The following DPYSL5 variants were observed in gnomAD, a reference collection of about 807,000 sequenced individuals.
The protein encoded by DPYSL5 is dihydropyrimidinase like 5.
A neutral mutation model predicts 58.4 loss-of-function variants in DPYSL5; 9 were observed. That is an observed-to-expected ratio of 0.15 (90% confidence interval 0.09 to 0.27). The LOEUF is 0.27. Ranked by LOEUF, DPYSL5 falls within the 10% of genes least tolerant of loss-of-function variation. The pLI, the probability that DPYSL5 is intolerant of heterozygous loss-of-function variation, is 1.00. For synonymous variants in DPYSL5, 293 were observed against 301.9 expected, an observed-to-expected ratio of 0.97 and a Z score of 0.31; for missense variants, 499 against 770.6, an observed-to-expected ratio of 0.65 and a Z score of 4.17.
At chr2:26,932,137 G>GAAAGAAAGAAAGAAAGAC (rs1409919249) in intron 6 of DPYSL5, among the ~76,000 whole-genome samples, 2 of 59,708 alleles carry the variant, frequency 3.3e-5, no homozygotes, top group African/African-American at 1.5e-4. Context: ...AAGAAAGAAA[G>GAAAGAAAGAAAGAAAGAC]AGAAAGAAAG....
At chr2:26,919,017 G>A (rs868490419) in intron 2 of DPYSL5, among the ~76,000 whole-genome samples, 4 of 152,130 alleles carry the variant, frequency 2.6e-5, no homozygotes, top group African/African-American at 4.8e-5. Context: ...ATATTGGAGC[G>A]GCAGGGCAGT....
rs1664766898 is a variant in DPYSL5 at position 26,924,089 on chromosome 2, G to T, written c.262-798G>T. Among the ~76,000 whole-genome samples the T allele has an allele frequency of 6.6e-6, 1 of 152,222 alleles. No homozygotes were observed. Among genetic ancestry groups the T allele is most frequent in the Non-Finnish European group, 1.5e-5 (1 of 68,038 alleles). On this transcript the variant is annotated intron_variant, in intron 2 of 12. Coordinates refer to ENST00000288699, the MANE Select transcript of DPYSL5 (RefSeq NM_020134.4). This position sits in a 1 kb window ranked among gnomAD's most constrained non-coding sequence, Gnocchi z 4.7. ...GAAATTCACTTTTAAAAAGTTGAGT[G>T]GGGGAATCTCTAATACAGATTTAGT... is the stretch of plus-strand genomic sequence containing the variant.
At chr2:26,851,017 T>C (rs1665737683) in intron 1 of DPYSL5, among the ~76,000 whole-genome samples, 1 of 152,156 alleles carries the variant, frequency 6.6e-6, no homozygotes, top group South Asian at 2.1e-4. Flanking sequence ...TACTAAATTA[T>C]ATATGCATGT....
In DPYSL5 at chr2:26,898,635, G is replaced by A; in HGVS notation, c.136G>A (p.Gly46Ser). 1 of 1,614,120 alleles carries A rather than the reference G, an allele frequency of 6.2e-7. No individual in the cohort carries two copies. Among genetic ancestry groups the A allele is most frequent in the Non-Finnish European group, 8.5e-7 (1 of 1,180,028 alleles). Residue 46 changes from glycine (G) to serine (S), a missense_variant, in exon 2 of 13, where the codon GGC becomes AGC. Coordinates refer to ENST00000288699, the MANE Select transcript of DPYSL5 (RefSeq NM_020134.4). The surrounding 1 kb of genome is among the most constrained non-coding windows in gnomAD (Gnocchi z 6.1). Reference protein sequence around the residue: ...QQVGRELMIPGGAKVIDATGK... With the variant: ...QQVGRELMIPSGAKVIDATGK... The stretch of plus-strand genomic sequence containing the variant: ...GGTGGGCCGCGAGCTCATGATCCCT[G>A]GCGGGGCCAAGGTGATTGATGCCAC...
At chr2:26,900,529 C>G (rs1186548937) in intron 2 of DPYSL5, among the ~76,000 whole-genome samples, 1 of 152,196 alleles carries the variant, frequency 6.6e-6, no homozygotes, top group Non-Finnish European at 1.5e-5. Context: ...CAAACATTGT[C>G]ACTATGAACA....
rs1422776764 is a variant in DPYSL5 at position 26,905,518 on chromosome 2, G to A, written c.261+6758G>A. On this transcript the variant is annotated intron_variant, in intron 2 of 12. Transcript: ENST00000288699. The surrounding 1 kb of genome is among the most constrained non-coding windows in gnomAD (Gnocchi z 4.0). ...GCTTGGCCAGCAGGCACCCTGGCAGGCCTTCTCTGGGAATCGGCCCTCACC... is the reference window on the plus strand; with the variant it reads ...GCTTGGCCAGCAGGCACCCTGGCAGACCTTCTCTGGGAATCGGCCCTCACC... Among the ~76,000 whole-genome samples, 1 of 152,160 alleles carries A rather than the reference G, an allele frequency of 6.6e-6. No homozygotes were observed. Among genetic ancestry groups the A allele is most frequent in the Non-Finnish European group, 1.5e-5 (1 of 68,034 alleles).
intron 1 of DPYSL5, among the ~76,000 whole-genome samples, chr2:26,891,210 C>G (rs1267186971): frequency 6.6e-6 from 1 of 152,194 alleles, no homozygotes; most frequent in African/African-American, 2.4e-5. Flanking sequence ...AGGATTAAAT[C>G]AGATGATGCA....
At chr2:26,858,016 C>G (rs1665920188) in intron 1 of DPYSL5, among the ~76,000 whole-genome samples, 1 of 152,154 alleles carries the variant, frequency 6.6e-6, no homozygotes, top group Non-Finnish European at 1.5e-5. Context: ...GAGGAGCCTG[C>G]CAAGGCAGTC....
chr2:26,896,029 C>T (rs1017401586), intron 1 of DPYSL5, among the ~76,000 whole-genome samples: 17 of 152,020 alleles, frequency 1.1e-4, no homozygotes, highest in African/African-American at 3.9e-4. Context: ...TCACCCACCT[C>T]GGCCTCCCAA....
chr2:26,890,934 C>T (rs1163249587), intron 1 of DPYSL5, among the ~76,000 whole-genome samples: 2 of 152,306 alleles, frequency 1.3e-5, no homozygotes, highest in African/African-American at 4.8e-5. Flanking sequence ...CGGCCCTGCC[C>T]TATGACCTCA....
At chr2:26,931,203 G>GTATGTATATATATATATATA (rs1553320893) in intron 5 of DPYSL5, among the ~76,000 whole-genome samples, 4 of 44,910 alleles carry the variant, frequency 8.9e-5, no homozygotes, top group Non-Finnish European at 1.3e-4. Flanking sequence ...GTGTGTGTGT[G>GTATGTATATATATATATATA]TATATATATA....
At chr2:26,922,318 A>T (rs564865469) in intron 2 of DPYSL5, among the ~76,000 whole-genome samples, 11 of 152,246 alleles carry the variant, frequency 7.2e-5, no homozygotes, top group Non-Finnish European at 1.5e-4. Context: ...GCAGGCACAG[A>T]GGCTGAGGCC....
intron 1 of DPYSL5, among the ~76,000 whole-genome samples, chr2:26,869,634 T>C (rs186278220): frequency 1.3e-5 from 2 of 152,360 alleles, no homozygotes; most frequent in African/African-American, 4.8e-5. Flanking sequence ...AGCTGTTTGC[T>C]ATAAAAAATA....
In DPYSL5 at chr2:26,896,906, A is replaced by G. The variant is rs111995202; in HGVS notation, c.-4-1590A>G. ...GACGCAATCCCATTTGTCTATCTTTACTTTTGTTGTCTGTGCCTATACATG... is the reference window on the plus strand; with the variant it reads ...GACGCAATCCCATTTGTCTATCTTTGCTTTTGTTGTCTGTGCCTATACATG... On this transcript the variant is annotated intron_variant, in intron 1 of 12. Transcript: ENST00000288699. Among the ~76,000 whole-genome samples the G allele has an allele frequency of 4.8e-3, 728 of 152,196 alleles. 6 individuals are homozygous for G. The highest frequency in any genetic ancestry group is 0.017 in the African/African-American group (702 of 41,516).
chr2:26,852,444 G>C (rs914877751), intron 1 of DPYSL5, among the ~76,000 whole-genome samples: 14 of 152,278 alleles, frequency 9.2e-5, no homozygotes, highest in African/African-American at 3.4e-4. Flanking sequence ...TTGAACAAAA[G>C]AAATTCAGGG....
chr2:26,930,059 C>A (rs1249853704), intron 5 of DPYSL5, among the ~76,000 whole-genome samples: 1 of 152,196 alleles, frequency 6.6e-6, no homozygotes, highest in African/African-American at 2.4e-5. Context: ...TACCCAGAAA[C>A]CAAGTTGGCC....
At chr2:26,945,331 ATTGTATATATT>A (rs1665445501) in intron 12 of DPYSL5, among the ~76,000 whole-genome samples, 1 of 134,814 alleles carries the variant, frequency 7.4e-6, no homozygotes, top group Admixed American at 7.4e-5. Context: ...CAGGAATTGT[ATTGTATATATT>A]TTATTAACTT....
chr2:26,905,913 A>T lies in DPYSL5; in HGVS notation c.261+7153A>T, dbSNP rs1237315894. Reference sequence around the variant, plus strand: ...CTCAGAGCCTCGCAAGCCGCCATCCAGGTGTCAATGGGCTGCATTCTCATC... The same window carrying T: ...CTCAGAGCCTCGCAAGCCGCCATCCTGGTGTCAATGGGCTGCATTCTCATC... On this transcript the variant is annotated intron_variant, in intron 2 of 12. Coordinates refer to ENST00000288699, the MANE Select transcript of DPYSL5 (RefSeq NM_020134.4). The surrounding 1 kb of genome is among the most constrained non-coding windows in gnomAD (Gnocchi z 4.0). Among the ~76,000 whole-genome samples the T allele has an allele frequency of 2.0e-5, 3 of 152,190 alleles. No homozygotes were observed. Among genetic ancestry groups the T allele is most frequent in the Admixed American group, 2.0e-4 (3 of 15,276 alleles).
At position 26,946,974 on chromosome 2, in the gene DPYSL5, C is replaced by T. The variant is rs11126784; in HGVS notation, c.1674C>T (p.Gly558=). 1 of 1,613,138 alleles carries T rather than the reference C, an allele frequency of 6.2e-7. No homozygotes were observed. The highest frequency in any genetic ancestry group is 8.5e-7 in the Non-Finnish European group (1 of 1,179,414). The change falls in exon 13 of 13, where the codon GGC becomes GGT. Residue 558 remains glycine (G), a synonymous_variant. Coordinates refer to ENST00000288699, the MANE Select transcript of DPYSL5 (RefSeq NM_020134.4). ...CTCGGATCCTCGCTCCTCCCGGAGG[C>T]AGGTCGAGTGGCATTTGGTAAAGGC... is the stretch of plus-strand genomic sequence containing the variant. ...ASARILAPPG[G]RSSGIW is the part of the protein sequence containing the mutation.
Sources: allele counts gnomAD v4.1 joint callset (sites outside exome capture counted in the v4.1 genomes callset), GRCh38; gene constraint gnomAD v4.1.1; non-coding constraint Gnocchi (gnomAD v3.1); transcripts MANE v1.5; gene names NCBI Gene and HGNC (gene_info 2026-07-23, HGNC 2026-07-21).